The following TENM4 variants were observed in gnomAD, a reference collection of about 807,000 sequenced individuals.
TENM4 encodes the protein teneurin transmembrane protein 4.
TENM4 carries 82 observed loss-of-function variants against 243.3 expected under a neutral mutation model. The observed-to-expected ratio is 0.34, with a 90% CI of 0.28 to 0.40. The LOEUF (loss-of-function observed/expected upper bound fraction) is 0.40, where lower values mean the gene tolerates loss of function less well. TENM4 is among the 10% of genes least tolerant of loss of function. The pLI is 1.00. For synonymous variants in TENM4, 1,412 were observed against 1,456.3 expected (o/e 0.97, Z 0.69); for missense variants, 3,138 against 3,673.3 (o/e 0.85, Z 3.77).
At chr11:78,879,680 G>A (rs1272946354) in intron 9 of TENM4, among the ~76,000 whole-genome samples, 2 of 141,580 alleles carry the variant, frequency 1.4e-5, no homozygotes, top group East Asian at 2.2e-4. Flanking sequence ...GGTGAGGAGC[G>A]CCTCTACCTG....
chr11:78,934,997 C>CTG (rs1856751987), intron 6 of TENM4, among the ~76,000 whole-genome samples: 3 of 81,114 alleles, frequency 3.7e-5, no homozygotes, highest in African/African-American at 1.6e-4. Context: ...AAGTATGCAA[C>CTG]TTTTTTTTTT....
At chr11:78,786,109 T>C (rs1362665036) in intron 16 of TENM4, among the ~76,000 whole-genome samples, 1 of 152,152 alleles carries the variant, frequency 6.6e-6, no homozygotes, top group East Asian at 1.9e-4. Flanking sequence ...AAGCAAAACG[T>C]CTGGCTGAGT....
At chr11:78,711,737 C>T (rs1859400941) in intron 26 of TENM4, among the ~76,000 whole-genome samples, 1 of 152,096 alleles carries the variant, frequency 6.6e-6, no homozygotes, top group African/African-American at 2.4e-5. Flanking sequence ...ATGGCTTCTC[C>T]AAAAAGCTTT....
intron 33 of TENM4, among the ~76,000 whole-genome samples, 181 bp from the exon 34 acceptor site, chr11:78,658,997 C>T (rs966257311): frequency 6.6e-6 from 1 of 152,176 alleles, no homozygotes; most frequent in Non-Finnish European, 1.5e-5. Context: ...CATCTGCTGA[C>T]CTTCATCCAT....
chr11:79,265,365 C>T (rs1162627818), intron 2 of TENM4, among the ~76,000 whole-genome samples: 2 of 152,194 alleles, frequency 1.3e-5, no homozygotes, highest in African/African-American at 2.4e-5. Context: ...CCATTGGCCA[C>T]ATGTGGCTAT....
At chr11:79,185,520 A>G (rs1863365464) in intron 3 of TENM4, among the ~76,000 whole-genome samples, 1 of 152,226 alleles carries the variant, frequency 6.6e-6, no homozygotes, top group African/African-American at 2.4e-5. Context: ...TTCATATTGT[A>G]TCACCAGCGA....
At chr11:79,139,202 T>C (rs1315906653) in intron 4 of TENM4, among the ~76,000 whole-genome samples, 1 of 44,122 alleles carries the variant, frequency 2.3e-5, no homozygotes, top group East Asian at 5.3e-4. Context: ...TATATTTCTA[T>C]AAATATATAA....
At chr11:78,666,986 G>GC (rs769327913) in intron 32 of TENM4, among the ~76,000 whole-genome samples, 70 of 151,982 alleles carry the variant, frequency 4.6e-4, no homozygotes, top group Admixed American at 9.2e-4. Flanking sequence ...ATTGCACCAT[G>GC]TTTTTTTTCA....
At chr11:79,075,086 T>C (rs1860506518) in intron 4 of TENM4, among the ~76,000 whole-genome samples, 2 of 152,236 alleles carry the variant, frequency 1.3e-5, no homozygotes. Flanking sequence ...GCAATCATCA[T>C]CGTCATTGAA....
chr11:78,814,367 G>C lies in TENM4; in HGVS notation c.1710C>G (p.Cys570Trp). 1 of 1,550,022 alleles carries C rather than the reference G, an allele frequency of 6.5e-7. No homozygotes were observed. The highest frequency in any genetic ancestry group is 8.7e-7 in the Non-Finnish European group (1 of 1,146,394). Reference sequence around the variant, plus strand: ...CAGAGATGCAGTCACCATTGCCATAGCAGTTGCTGGGGCAGTTATCCACCG... The same window carrying C: ...CAGAGATGCAGTCACCATTGCCATACCAGTTGCTGGGGCAGTTATCCACCG... ...IESVDNCPSN[C>W]YGNGDCISGT... is the part of the protein sequence containing the mutation. The change falls in exon 13 of 34, where the codon TGC (cysteine) becomes TGG (tryptophan). Residue 570 changes from cysteine (C) to tryptophan (W), a missense_variant. Transcript: ENST00000278550.
At chr11:78,925,704 G>A (rs1227305049) in intron 6 of TENM4, among the ~76,000 whole-genome samples, 2 of 152,064 alleles carry the variant, frequency 1.3e-5, no homozygotes, top group Non-Finnish European at 1.5e-5. Flanking sequence ...CCATGGCTCC[G>A]TGCTACCCTC....
chr11:79,118,757 T>C (rs1220471548), intron 4 of TENM4, among the ~76,000 whole-genome samples: 1 of 152,210 alleles, frequency 6.6e-6, no homozygotes, highest in African/African-American at 2.4e-5. Flanking sequence ...GGCTGAATAA[T>C]ACTTCGTTGC....
At chr11:79,038,801 C>T (rs1239642917) in intron 6 of TENM4, among the ~76,000 whole-genome samples, 1 of 152,204 alleles carries the variant, frequency 6.6e-6, no homozygotes, top group East Asian at 1.9e-4. Flanking sequence ...AAGAGTTTAA[C>T]TTGGCAGGTA....
chr11:79,092,126 C>A (rs762213345), intron 4 of TENM4, among the ~76,000 whole-genome samples: 10 of 152,180 alleles, frequency 6.6e-5, no homozygotes, highest in Non-Finnish European at 1.2e-4. Context: ...AAGGGGCAGG[C>A]CTTTTTTTCT....
At chr11:79,245,645 A>G (rs1855497686) in intron 2 of TENM4, among the ~76,000 whole-genome samples, 1 of 152,208 alleles carries the variant, frequency 6.6e-6, no homozygotes, top group African/African-American at 2.4e-5. Flanking sequence ...GAAGATAGAA[A>G]AAGAAAACAA....
At chr11:78,841,156 T>G (rs1019914625) in intron 12 of TENM4, among the ~76,000 whole-genome samples, 1 of 152,194 alleles carries the variant, frequency 6.6e-6, no homozygotes, top group South Asian at 2.1e-4. Context: ...ATTACCTTCA[T>G]GAGTTGGGTA....
At chr11:78,944,550 T>A (rs2136468044) in intron 6 of TENM4, among the ~76,000 whole-genome samples, 1 of 152,334 alleles carries the variant, frequency 6.6e-6, no homozygotes, top group East Asian at 1.9e-4. Context: ...GAAATCACAG[T>A]GCATTTTTAT....
intron 12 of TENM4, among the ~76,000 whole-genome samples, chr11:78,852,605 C>G (rs565941659): frequency 6.6e-6 from 1 of 152,250 alleles, no homozygotes; most frequent in East Asian, 1.9e-4. Context: ...ATCACCCGAG[C>G]CCAGGAGTTC....
At chr11:79,221,994 TTGTC>T (rs1267827674) in intron 2 of TENM4, among the ~76,000 whole-genome samples, 2 of 152,180 alleles carry the variant, frequency 1.3e-5, no homozygotes, top group Non-Finnish European at 2.9e-5. Flanking sequence ...TTGTGGTTCT[TTGTC>T]TGTGAACACA....
Sources: gnomAD v4.1 joint callset for allele counts (sites outside exome capture counted in the v4.1 genomes callset) on GRCh38, gnomAD v4.1.1 for gene constraint, MANE v1.5 for transcripts, NCBI Gene and HGNC (gene_info 2026-07-23, HGNC 2026-07-21) for gene names.